FBXO30: variants seen among roughly 807,000 people sequenced by gnomAD.
The protein encoded by FBXO30 is F-box protein 30.
In FBXO30, 21 loss-of-function variants were observed where a neutral mutation model predicts 58.1. The ratio of observed to expected loss-of-function variants is 0.36; its 90% CI spans 0.26 to 0.52. The LOEUF (loss-of-function observed/expected upper bound fraction) is 0.52. FBXO30 is among the 20% of genes least tolerant of loss of function. FBXO30 has a pLI of 0.93. For synonymous variants in FBXO30, 309 were observed against 312.4 expected (o/e 0.99, Z 0.11); for missense variants, 744 against 897.3 (o/e 0.83, Z 2.18).
chr6:145,797,015 T>A lies in FBXO30; in HGVS notation c.*3091A>T, dbSNP rs771426588. The A allele has an allele frequency of 1.3e-5, 2 of 151,866 alleles. No homozygotes were observed. Among genetic ancestry groups the A allele is most frequent in the Non-Finnish European group, 2.9e-5 (2 of 67,858 alleles). 9.4% of individuals were successfully genotyped at this position (151,866 alleles called of 1,614,324 possible). On this transcript the variant is annotated 3_prime_UTR_variant, in exon 3 of 3. Transcript: ENST00000237281. ...CATCTTATTGATAGGGTTGAAAAGATCCCTAAAAATATTTTTTGTAGGATT... is the reference window on the plus strand; with the variant it reads ...CATCTTATTGATAGGGTTGAAAAGAACCCTAAAAATATTTTTTGTAGGATT...
Position 145,793,951 on chromosome 6 carries a change from A to G in FBXO30, c.*6155T>C, listed in dbSNP as rs958897275. On this transcript the variant is annotated 3_prime_UTR_variant, in exon 3 of 3. Coordinates refer to ENST00000237281, the MANE Select transcript of FBXO30 (RefSeq NM_032145.5). ...TTTTTGGCTTTGGTAATGATTGCAA[A>G]TATCAAATTCTTTTCTTTTTAATTG... is the stretch of plus-strand genomic sequence containing the variant. 1.3e-5 allele frequency: 2 copies of G among 152,058 alleles called. No individual in the cohort carries two copies. The highest frequency in any genetic ancestry group is 2.4e-5 in the African/African-American group (1 of 41,448). 9.4% of individuals were successfully genotyped at this position (152,058 alleles called of 1,614,324 possible). A position where few individuals can be genotyped will look rare whatever the true frequency, so the allele number is the denominator to read the frequency against.
chr6:145,806,514 A>C (rs1416885970), intron 1 of FBXO30, 93 bp from the exon 2 acceptor site: 2 of 916,152 alleles, frequency 2.2e-6, no homozygotes, highest in African/African-American at 3.3e-5. Flanking sequence ...TTTATCTAAT[A>C]TCTTGGTTTA....
At position 145,811,073 on chromosome 6, in the gene FBXO30, C is replaced by A. The variant is rs73572164; in HGVS notation, c.-17+3530G>T. 3.6e-3 allele frequency among the ~76,000 whole-genome samples: 555 copies of A among 152,288 alleles called. 2 individuals carry two copies. The highest frequency in any genetic ancestry group is 0.012 in the African/African-American group (519 of 41,576). On this transcript the variant is annotated intron_variant, in intron 1 of 2. Coordinates refer to ENST00000237281, the MANE Select transcript of FBXO30 (RefSeq NM_032145.5). The stretch of plus-strand genomic sequence containing the variant: ...AGTAAGTCATCATTCTGTATAATAT[C>A]TATTTCCACAGGAAAGCTATAAGCT...
Position 145,798,999 on chromosome 6 carries a change from A to G in FBXO30, c.*1107T>C, listed in dbSNP as rs537258115. On this transcript the variant is annotated 3_prime_UTR_variant, in exon 3 of 3. Transcript: ENST00000237281. ...TAAATCAATTTGAAAACTATAATAA[A>G]CTACTTCAAGAATAGGTATATTTTT... 4 of 152,004 alleles carry G rather than the reference A, an allele frequency of 2.6e-5. No homozygotes were observed. Among genetic ancestry groups the G allele is most frequent in the African/African-American group, 7.2e-5 (3 of 41,486 alleles). The allele number at this position is 152,004 out of a possible 1,614,324, so 9.4% of individuals were successfully genotyped here. A position where few individuals can be genotyped will look rare whatever the true frequency, so the allele number is the denominator to read the frequency against.
chr6:145,804,522 G>A lies in FBXO30; in HGVS notation c.1884C>T (p.Leu628=), dbSNP rs778364842. The change falls in exon 2 of 3, where the codon CTC becomes CTT. Residue 628 remains leucine, a synonymous_variant. Coordinates refer to ENST00000237281, the MANE Select transcript of FBXO30 (RefSeq NM_032145.5). ...FEVLQHIAGF[L]DGFSLCQLSC... is the part of the protein sequence containing the mutation. ...AGAGCTGACATAAGCTGAAGCCATC[G>A]AGAAAGCCTGCAATATGCTGCAGGA... The A allele has an allele frequency of 3.3e-5, 53 of 1,613,524 alleles. 2 individuals are homozygous for A. The South Asian group carries it at 4.8e-4, about 15-fold the overall frequency.
intron 1 of FBXO30, among the ~76,000 whole-genome samples, chr6:145,814,279 C>T (rs1778430096): frequency 6.6e-6 from 1 of 152,212 alleles, no homozygotes; most frequent in Admixed American, 6.5e-5. Context: ...AATACAAAGA[C>T]ACACAAACTG....
At position 145,804,486 on chromosome 6, in the gene FBXO30, G is replaced by A; in HGVS notation, c.1920C>T (p.Ser640=). 1 of 1,613,664 alleles carries A rather than the reference G, an allele frequency of 6.2e-7. No homozygotes were observed. The highest frequency in any genetic ancestry group is 1.6e-4 in the Middle Eastern group (1 of 6,062). ...GFSLCQLSCV[S]KLMRDVCGSL... ...TGCCACACACATCCCTCATTAACTT[G>A]GATACACATGAGAGCTGACATAAGC... Residue 640 remains serine, a synonymous_variant, in exon 2 of 3, where the codon TCC becomes TCT. Coordinates refer to ENST00000237281, the MANE Select transcript of FBXO30 (RefSeq NM_032145.5).
intron 1 of FBXO30, among the ~76,000 whole-genome samples, chr6:145,814,299 C>G (rs895336262): frequency 6.6e-6 from 1 of 152,244 alleles, no homozygotes; most frequent in African/African-American, 2.4e-5. Flanking sequence ...GGGGGGGACA[C>G]GGAGGTCGGT....
rs913976714 is a variant in FBXO30, at chr6:145,799,138, T to C, written c.*968A>G. ...GAGATTGTCAACCAAGACAGGTTTC[T>C]ACATGATTGTCATTTTACAAAGATA... On this transcript the variant is annotated 3_prime_UTR_variant, in exon 3 of 3. Transcript: ENST00000237281. 4 of 152,070 alleles carry C rather than the reference T, an allele frequency of 2.6e-5. No homozygotes were observed. The highest frequency in any genetic ancestry group is 9.7e-5 in the African/African-American group (4 of 41,414). 9.4% of individuals were successfully genotyped at this position (152,070 alleles called of 1,614,324 possible). A position where few individuals can be genotyped will look rare whatever the true frequency, so the allele number is the denominator to read the frequency against.
At chr6:145,813,623 A>C (rs1366557165) in intron 1 of FBXO30, among the ~76,000 whole-genome samples, 2 of 152,236 alleles carry the variant, frequency 1.3e-5, no homozygotes, top group Non-Finnish European at 2.9e-5. Context: ...TAGGTCTCTA[A>C]AGAACAAACA....
chr6:145,813,432 A>G (rs974357394), intron 1 of FBXO30, among the ~76,000 whole-genome samples: 8 of 152,188 alleles, frequency 5.3e-5, no homozygotes, highest in African/African-American at 1.7e-4. Context: ...TTTTGTGATG[A>G]GAAACAGTGA....
In FBXO30 at chr6:145,804,836, C is replaced by T; in HGVS notation, c.1570G>A (p.Gly524Arg). Residue 524 changes from glycine (G) to arginine (R), a missense_variant, in exon 2 of 3, where the codon GGA becomes AGA. By Grantham distance (125) the Gly-to-Arg change is moderately radical. Around this residue, in one of 3 missense-constraint regions of FBXO30, gnomAD observed 334 missense variants for 433.7 expected, o/e 0.77. Transcript: ENST00000237281. ...KQRSMFTFVCGQLFRRKEFSS... is the reference protein window; with the variant it reads ...KQRSMFTFVCRQLFRRKEFSS... The stretch of plus-strand genomic sequence containing the variant: ...AATTCTTTCCTTCTAAATAACTGTC[C>T]ACACACAAAGGTAAACATTGAACGC... The T allele has an allele frequency of 1.2e-6, 2 of 1,613,894 alleles. No homozygotes were observed. The highest frequency in any genetic ancestry group is 2.2e-5 in the South Asian group (2 of 91,082).
At position 145,799,589 on chromosome 6, in the gene FBXO30, ATAT is replaced by A. The variant is rs996232321; in HGVS notation, c.*514_*516del. 3 of 152,708 alleles carry A rather than the reference ATAT, an allele frequency of 2.0e-5. No homozygotes were observed. Among genetic ancestry groups the A allele is most frequent in the African/African-American group, 7.2e-5 (3 of 41,448 alleles). The allele number at this position is 152,708 out of a possible 1,614,324, so 9.5% of individuals were successfully genotyped here. Reference sequence around the variant, plus strand: ...TTTATGATTTTACGTATGTAAGTATATATTAGAGATCATTTGTGCATTAACAAT... The same window carrying A: ...TTTATGATTTTACGTATGTAAGTATATAGAGATCATTTGTGCATTAACAAT... On this transcript the variant is annotated 3_prime_UTR_variant, in exon 3 of 3. Transcript: ENST00000237281.
rs1778064876 is a variant in FBXO30, at chr6:145,803,365, T to C, written c.2034+1007A>G. The stretch of plus-strand genomic sequence containing the variant: ...AAAAAAAATCGTGAAACAATTTGTG[T>C]GATCATTTATCGGTCAAGGCCTCAG... On this transcript the variant is annotated intron_variant, in intron 2 of 2. Transcript: ENST00000237281. 2.0e-5 allele frequency among the ~76,000 whole-genome samples: 3 copies of C among 152,254 alleles called. No homozygotes were observed. In the South Asian group the frequency reaches 6.2e-4, roughly 32 times the overall value.
rs1777824930 is a variant in FBXO30, at chr6:145,794,142, C to G, written c.*5964G>C. ...CAGTCACTCCCATTCCCCCAGCAAC[C>G]ATGAATCTGATTTATCTCTATGAAT... On this transcript the variant is annotated 3_prime_UTR_variant, in exon 3 of 3. Transcript: ENST00000237281. 6.6e-6 allele frequency: 1 copy of G among 151,948 alleles called. No individual in the cohort carries two copies. The highest frequency in any genetic ancestry group is 2.1e-4 in the South Asian group (1 of 4,832). The allele number at this position is 151,948 out of a possible 1,614,324, so 9.4% of individuals were successfully genotyped here.
intron 1 of FBXO30, 82 bp from the exon 2 acceptor site, chr6:145,806,503 A>C: frequency 1.0e-6 from 1 of 985,738 alleles, no homozygotes; most frequent in East Asian, 2.6e-5. Context: ...TAAATCACTA[A>C]TTTATCTAAT....
chr6:145,802,044 A>T (rs1270582550), intron 2 of FBXO30, among the ~76,000 whole-genome samples: 1 of 152,142 alleles, frequency 6.6e-6, no homozygotes, highest in Non-Finnish European at 1.5e-5. Flanking sequence ...CATAGTAGGT[A>T]CTATGCAAGG....
chr6:145,804,551 C>T lies in FBXO30; in HGVS notation c.1855G>A (p.Glu619Lys). ...HNDHLSSLPF[E>K]VLQHIAGFLD... is the part of the protein sequence containing the mutation. ...AAGCCTGCAATATGCTGCAGGACCT[C>T]AAAAGGAAGACTACTTAGATGGTCA... Residue 619 changes from glutamate (E) to lysine (K), a missense_variant, in exon 2 of 3, where the codon GAG (glutamate) becomes AAG (lysine). Transcript: ENST00000237281. 1 of 1,613,736 alleles carries T rather than the reference C, an allele frequency of 6.2e-7. No homozygotes were observed. The highest frequency in any genetic ancestry group is 8.5e-7 in the Non-Finnish European group (1 of 1,179,824).
chr6:145,805,945 T>C lies in FBXO30; in HGVS notation c.461A>G (p.Glu154Gly). 6.2e-7 allele frequency: 1 copy of C among 1,614,068 alleles called. No homozygotes were observed. Among genetic ancestry groups the C allele is most frequent in the Non-Finnish European group, 8.5e-7 (1 of 1,179,980 alleles). The change falls in exon 2 of 3, where the codon GAA becomes GGA. Residue 154 changes from glutamate (E) to glycine (G), a missense_variant. Around this residue, in one of 3 missense-constraint regions of FBXO30, gnomAD observed 135 missense variants for 201.6 expected, o/e 0.67. Transcript: ENST00000237281. ...KATDKVSKPR[E>G]QISVKSSVPE... ...GACACTTGATTTAACTGAGATTTGTTCTCTAGGTTTGGATACTTTATCAGT... is the reference window on the plus strand; with the variant it reads ...GACACTTGATTTAACTGAGATTTGTCCTCTAGGTTTGGATACTTTATCAGT...
Sources: allele counts gnomAD v4.1 joint callset (sites outside exome capture counted in the v4.1 genomes callset), GRCh38; gene constraint gnomAD v4.1.1; regional missense constraint gnomAD v4.1.1; transcripts MANE v1.5; gene names NCBI Gene and HGNC (gene_info 2026-07-23, HGNC 2026-07-21).